Variants in ROBO4 observed in about 807,000 individuals in gnomAD.
ROBO4 encodes roundabout guidance receptor 4, also known as roundabout homolog 4.
A neutral mutation model predicts 103.3 loss-of-function variants in ROBO4; 80 were observed. That is an observed-to-expected ratio of 0.77 (90% CI 0.65 to 0.93). The LOEUF (loss-of-function observed/expected upper bound fraction) is 0.93, where lower values mean the gene tolerates loss of function less well. Ranked by LOEUF, ROBO4 falls within the 40% of genes least tolerant of loss-of-function variation. The pLI, the probability that ROBO4 is intolerant of heterozygous loss-of-function variation, is 0.00. For synonymous variants in ROBO4, 504 were observed against 529.7 expected (o/e 0.95, Z 0.67); for missense variants, 1,333 against 1,305.3 (o/e 1.02, Z -0.33).
Position 124,887,171 on chromosome 11 carries a change from T to TGGCAGCA in ROBO4, c.2234_2240dup (p.Pro750SerfsTer8). On this transcript the variant is annotated frameshift_variant, in exon 15 of 18. Coordinates refer to ENST00000306534, the MANE Select transcript of ROBO4 (RefSeq NM_019055.6). LOFTEE classifies it high-confidence loss of function. ...GGCTAAGGATGGGGATGGGGGCTGC[T>TGGCAGCA]GGCAGCAGGATGGAGGAGGGAGCCT... is the stretch of plus-strand genomic sequence containing the variant. 1 of 1,604,746 alleles carries TGGCAGCA rather than the reference T, an allele frequency of 6.2e-7. No individual in the cohort carries two copies. Among genetic ancestry groups the TGGCAGCA allele is most frequent in the Non-Finnish European group, 8.5e-7 (1 of 1,174,648 alleles).
At chr11:124,885,670 C>A (rs1009416376) in intron 16 of ROBO4, among the ~76,000 whole-genome samples, 2 of 151,704 alleles carry the variant, frequency 1.3e-5, no homozygotes, top group Non-Finnish European at 2.9e-5. Context: ...GAAGGGACAC[C>A]CAAGGAGCCA....
Position 124,894,994 on chromosome 11 carries a change from A to C in ROBO4, c.1149+87T>G, listed in dbSNP as rs941234164. 1.1e-5 allele frequency: 11 copies of C among 1,022,490 alleles called. No individual in the cohort carries two copies. In the African/African-American group the frequency reaches 1.7e-4, roughly 16 times the overall value. 63.3% of individuals were successfully genotyped at this position (1,022,490 alleles called of 1,614,324 possible). A position where few individuals can be genotyped will look rare whatever the true frequency, so the allele number is the denominator to read the frequency against. Reference sequence around the variant, plus strand: ...GCTTCTCTGCCCAGGTACCTTTCTCAGTGCCCAGAGCAAGGGTATGCAGAA... The same window carrying C: ...GCTTCTCTGCCCAGGTACCTTTCTCCGTGCCCAGAGCAAGGGTATGCAGAA... On this transcript the variant is annotated intron_variant, in intron 7 of 17. Transcript: ENST00000306534.
At chr11:124,891,891 G>A in intron 10 of ROBO4, 89 bp from the exon 11 acceptor site, 1 of 1,443,820 alleles carries the variant, frequency 6.9e-7, no homozygotes, top group Non-Finnish European at 9.5e-7. Context: ...AGAGGCAGCA[G>A]AAGAGGGCAA....
In ROBO4 at chr11:124,886,537, G is replaced by T; in HGVS notation, c.2721C>A (p.Ala907=). 1 of 1,614,206 alleles carries T rather than the reference G, an allele frequency of 6.2e-7. No individual in the cohort carries two copies. The highest frequency in any genetic ancestry group is 1.3e-5 in the African/African-American group (1 of 75,062). The change falls in exon 16 of 18, where the codon GCC becomes GCA. Residue 907 remains alanine (A), a synonymous_variant. Coordinates refer to ENST00000306534, the MANE Select transcript of ROBO4 (RefSeq NM_019055.6). ...DGSFLADAHF[A]RALAVAVDSF... is the part of the protein sequence containing the mutation. ...TATCCACAGCCACTGCCAGGGCCCG[G>T]GCAAAGTGAGCATCAGCGAGGAAGG...
intron 16 of ROBO4, 87 bp downstream of exon 16, chr11:124,886,376 CT>C: frequency 1.0e-6 from 1 of 997,564 alleles, no homozygotes; most frequent in South Asian, 1.6e-5. Context: ...TTCAATAAAA[CT>C]AGTTGTTTTA....
chr11:124,896,813 C>G (rs879740925), intron 2 of ROBO4, 119 bp downstream of exon 2: 20 of 1,515,264 alleles, frequency 1.3e-5, no homozygotes, highest in African/African-American at 8.2e-5. Flanking sequence ...CCCAAGCCTT[C>G]CAGCCCAGGC....
At position 124,895,630 on chromosome 11, in the gene ROBO4, G is replaced by C. The variant is rs1364802399; in HGVS notation, c.863C>G (p.Thr288Ser). ...CGGAGCTCCCTGGCCTCCCGGGGCA[G>C]TCTGGGTCCTGAACAAGGCCGTGTA... is the stretch of plus-strand genomic sequence containing the variant. ...QSYTALFRTQ[T>S]APGGQGAPWA... is the part of the protein sequence containing the mutation. Residue 288 changes from threonine (T) to serine (S), a missense_variant, in exon 6 of 18, where the codon ACT (threonine) becomes AGT (serine). Physicochemically the swap from Thr to Ser is moderately conservative, Grantham distance 58. Transcript: ENST00000306534. The C allele has an allele frequency of 5.6e-6, 9 of 1,613,774 alleles. No individual in the cohort carries two copies. Among genetic ancestry groups the C allele is most frequent in the Non-Finnish European group, 7.6e-6 (9 of 1,180,036 alleles).
chr11:124,895,742 T>C (rs758352533), intron 5 of ROBO4, 43 bp downstream of exon 5: 3 of 1,613,296 alleles, frequency 1.9e-6, no homozygotes, highest in East Asian at 2.2e-5. Context: ...ACGCCCTTTC[T>C]TGAGCTCTGG....
intron 10 of ROBO4, chr11:124,892,074 AAAG>A (rs1565325075): frequency 1.5e-6 from 1 of 652,210 alleles, no homozygotes; most frequent in Non-Finnish European, 2.8e-6. Context: ...GCTGAGGTAA[AAAG>A]AAGACCTGAA....
In ROBO4 at chr11:124,884,603, C is replaced by T. The variant is rs959841026; in HGVS notation, c.*288G>A. ...AAGAGCAGCAGGCAGGGCTGCTCCT[C>T]AGGCCAAAACAACCTGGTGGTGGGA... is the stretch of plus-strand genomic sequence containing the variant. On this transcript the variant is annotated 3_prime_UTR_variant, in exon 18 of 18. Transcript: ENST00000306534. 11 of 526,020 alleles carry T rather than the reference C, an allele frequency of 2.1e-5. No homozygotes were observed. The highest frequency in any genetic ancestry group is 2.7e-5 in the Non-Finnish European group (8 of 295,376). 32.6% of individuals were successfully genotyped at this position (526,020 alleles called of 1,614,324 possible).
At chr11:124,897,680 G>A in intron 1 of ROBO4, 46 bp downstream of exon 1, 1 of 1,576,522 alleles carries the variant, frequency 6.3e-7, no homozygotes, top group South Asian at 1.1e-5. Context: ...GCCCTGAGCA[G>A]GCCTTGGATG....
At chr11:124,890,588 C>G (rs1946783492) in intron 12 of ROBO4, among the ~76,000 whole-genome samples, 1 of 152,214 alleles carries the variant, frequency 6.6e-6, no homozygotes, top group Non-Finnish European at 1.5e-5. Flanking sequence ...TTCTGACCCT[C>G]TTCCTGTCTG....
intron 10 of ROBO4, chr11:124,892,247 A>G (rs1946811843): frequency 2.8e-6 from 1 of 352,826 alleles, no homozygotes; most frequent in South Asian, 2.2e-5. Flanking sequence ...CTGGGTTTAT[A>G]TGAGGAAATG....
At chr11:124,893,419 C>T (rs139293811) in intron 10 of ROBO4, among the ~76,000 whole-genome samples, 87 of 152,256 alleles carry the variant, frequency 5.7e-4, no homozygotes, top group Non-Finnish European at 9.1e-4. Context: ...CTCCACCTAG[C>T]GGGTGAGGCA....
Position 124,897,133 on chromosome 11 carries a change from G to C in ROBO4, c.199C>G (p.Leu67Val). ...ACCATGCTCAGGGGCTGCCCATTCA[G>C]CAACCAGCGGATGGTGGGAGGTGGC... ...GQPPPTIRWL[L>V]NGQPLSMVPP... The change falls in exon 2 of 18, where the codon CTG (leucine) becomes GTG (valine). Residue 67 changes from leucine (L) to valine (V), a missense_variant. Physicochemically the swap from Leu to Val is conservative, Grantham distance 32. Coordinates refer to ENST00000306534, the MANE Select transcript of ROBO4 (RefSeq NM_019055.6). The C allele has an allele frequency of 6.4e-7, 1 of 1,570,994 alleles. No homozygotes were observed. The highest frequency in any genetic ancestry group is 8.7e-7 in the Non-Finnish European group (1 of 1,155,970).
In ROBO4 at chr11:124,897,796, G is replaced by A. The variant is rs369727079; in HGVS notation, c.-1C>T. 12 of 1,612,316 alleles carry A rather than the reference G, an allele frequency of 7.4e-6. No individual in the cohort carries two copies. Among genetic ancestry groups the A allele is most frequent in the African/African-American group, 1.3e-5 (1 of 74,882 alleles). On this transcript the variant is annotated 5_prime_UTR_variant, in exon 1 of 18. Coordinates refer to ENST00000306534, the MANE Select transcript of ROBO4 (RefSeq NM_019055.6). ...GGAGGCTGTCTCCTCCAGAGCCCAT[G>A]GCTACTCTCAGCCCTATGTCCTTGT...
intron 7 of ROBO4, 144 bp downstream of exon 7, chr11:124,894,937 G>T: frequency 1.5e-6 from 1 of 663,486 alleles, no homozygotes; most frequent in East Asian, 2.7e-5. Flanking sequence ...GGAAGCCAGT[G>T]GGTCCTTGCT....
chr11:124,896,114 C>A, intron 4 of ROBO4, 84 bp downstream of exon 4: 3 of 1,573,924 alleles, frequency 1.9e-6, no homozygotes, highest in South Asian at 1.2e-5. Context: ...ACCCCACATA[C>A]CTTAACCCCA....
Position 124,893,870 on chromosome 11 carries a change from G to A in ROBO4, c.1494C>T (p.His498=), listed in dbSNP as rs1363450525. ...CIHRRRRARV[H]LGPGLYRYTS... is the part of the protein sequence containing the mutation. ...CCCTCAGACTCTCACCTGGGCCCAG[G>A]TGCACCCTAGCTCGGCGCCGGCGGT... is the stretch of plus-strand genomic sequence containing the variant. The change falls in exon 9 of 18, where the codon CAC becomes CAT. Residue 498 remains histidine, a synonymous_variant. Transcript: ENST00000306534. 69 of 1,613,110 alleles carry A rather than the reference G, an allele frequency of 4.3e-5. No individual in the cohort carries two copies. Among genetic ancestry groups the A allele is most frequent in the Non-Finnish European group, 5.8e-5 (69 of 1,179,804 alleles).
Sources: gnomAD v4.1 joint callset for allele counts (sites outside exome capture counted in the v4.1 genomes callset) on GRCh38, gnomAD v4.1.1 for gene constraint, MANE v1.5 for transcripts, NCBI Gene and HGNC (gene_info 2026-07-23, HGNC 2026-07-21) for gene names.